KLHL20: variants seen among roughly 807,000 people sequenced by gnomAD.
KLHL20 encodes the protein kelch like family member 20, also known as kelch-like protein 20.
In KLHL20, 29 loss-of-function variants were observed where a neutral mutation model predicts 69.5. The ratio of observed to expected loss-of-function variants is 0.42; its 90% CI spans 0.31 to 0.57. The LOEUF (loss-of-function observed/expected upper bound fraction) is 0.57. Ranked by LOEUF, KLHL20 falls within the 20% of genes least tolerant of loss-of-function variation. KLHL20 has a pLI of 0.18. For synonymous variants in KLHL20, 253 were observed against 265.2 expected, an observed-to-expected ratio of 0.95 and a Z score of 0.45; for missense variants, 419 against 776.0, an observed-to-expected ratio of 0.54 and a Z score of 5.47.
chr1:173,767,431 A>G (rs1201201766), intron 8 of KLHL20, among the ~76,000 whole-genome samples: 1 of 152,164 alleles, frequency 6.6e-6, no homozygotes, highest in Non-Finnish European at 1.5e-5. Context: ...ATCATATGAT[A>G]GTTCTATTTT....
At chr1:173,777,079 T>C (rs1166665147) in intron 10 of KLHL20, among the ~76,000 whole-genome samples, 1 of 152,206 alleles carries the variant, frequency 6.6e-6, no homozygotes, top group Non-Finnish European at 1.5e-5. Flanking sequence ...TTTTTGTGTG[T>C]CCTCTTCAAT....
intron 4 of KLHL20, among the ~76,000 whole-genome samples, chr1:173,752,334 T>A (rs1205617251): frequency 6.6e-6 from 1 of 152,158 alleles, no homozygotes; most frequent in Non-Finnish European, 1.5e-5. Context: ...AGAAAGTCCA[T>A]CTGTTTCCAA....
At chr1:173,779,963 G>A (rs1648752682) in intron 10 of KLHL20, among the ~76,000 whole-genome samples, 1 of 152,074 alleles carries the variant, frequency 6.6e-6, no homozygotes, top group Admixed American at 6.6e-5. Context: ...ATCCATCTTG[G>A]GATGTTTGCT....
At chr1:173,722,163 C>T (rs752119286) in intron 2 of KLHL20, among the ~76,000 whole-genome samples, 1 of 152,104 alleles carries the variant, frequency 6.6e-6, no homozygotes, top group Non-Finnish European at 1.5e-5. Flanking sequence ...GTTGCCCAAG[C>T]TGGTCTCAAA....
intron 5 of KLHL20, 90 bp downstream of exon 5, chr1:173,753,397 A>G (rs1472233417): frequency 9.4e-6 from 9 of 956,502 alleles, no homozygotes; most frequent in African/African-American, 1.6e-5. Context: ...TAAATATTGT[A>G]TTTTGCAGAG....
intron 2 of KLHL20, among the ~76,000 whole-genome samples, chr1:173,731,135 A>G (rs1179255227): frequency 9.9e-5 from 15 of 152,252 alleles, no homozygotes; most frequent in African/African-American, 3.6e-4. Context: ...ATCACTGGCC[A>G]TCAGAGAAAT....
At chr1:173,729,113 C>G (rs994748795) in intron 2 of KLHL20, among the ~76,000 whole-genome samples, 2 of 152,200 alleles carry the variant, frequency 1.3e-5, no homozygotes, top group African/African-American at 4.8e-5. Flanking sequence ...TGCAAATAAA[C>G]TAGAAAATCT....
chr1:173,732,513 A>T (rs1338945314), intron 2 of KLHL20, among the ~76,000 whole-genome samples: 1 of 152,182 alleles, frequency 6.6e-6, no homozygotes, highest in South Asian at 2.1e-4. Flanking sequence ...ATGCGTATCT[A>T]TACAAATTTG....
chr1:173,728,015 G>T (rs542934279), intron 2 of KLHL20, among the ~76,000 whole-genome samples: 1 of 152,152 alleles, frequency 6.6e-6, no homozygotes, highest in Non-Finnish European at 1.5e-5. Context: ...CATCTCACGT[G>T]CAGAGACACA....
At chr1:173,750,983 A>G (rs991319819) in intron 3 of KLHL20, among the ~76,000 whole-genome samples, 1 of 152,196 alleles carries the variant, frequency 6.6e-6, no homozygotes, top group African/African-American at 2.4e-5. Context: ...CATCAACTTC[A>G]TTAGAGGTAC....
At chr1:173,780,126 G>A (rs1648767256) in intron 10 of KLHL20, among the ~76,000 whole-genome samples, 1 of 152,184 alleles carries the variant, frequency 6.6e-6, no homozygotes, top group South Asian at 2.1e-4. Flanking sequence ...GAACACCACT[G>A]GAAGGTGTCA....
In KLHL20 at chr1:173,785,836, A is replaced by AC. The variant is rs1649174143; in HGVS notation, c.*590dup. ...GGATACTAAATCAATAAAAACCAGG[A>AC]CTCAGACACTACAGTTTTCATCAGT... On this transcript the variant is annotated 3_prime_UTR_variant, in exon 12 of 12. Transcript: ENST00000209884. 1 of 151,970 alleles carries AC rather than the reference A, an allele frequency of 6.6e-6. No individual in the cohort carries two copies. The allele number at this position is 151,970 out of a possible 1,614,324, so 9.4% of individuals were successfully genotyped here.
intron 3 of KLHL20, among the ~76,000 whole-genome samples, chr1:173,735,411 A>C (rs984369623): frequency 1.3e-5 from 2 of 150,970 alleles, no homozygotes; most frequent in African/African-American, 4.9e-5. Context: ...GTGCCACTGC[A>C]CTCCAGCCTG....
At chr1:173,770,940 TG>T (rs1648054061) in intron 8 of KLHL20, among the ~76,000 whole-genome samples, 1 of 152,080 alleles carries the variant, frequency 6.6e-6, no homozygotes, top group South Asian at 2.1e-4. Flanking sequence ...GCTAATAACA[TG>T]ACTGTACCTT....
intron 11 of KLHL20, among the ~76,000 whole-genome samples, chr1:173,784,656 C>T (rs367693434): frequency 3.3e-4 from 51 of 152,250 alleles, no homozygotes; most frequent in African/African-American, 1.1e-3. Flanking sequence ...ATGATCTTGT[C>T]ACAAACTAGA....
chr1:173,735,964 G>A (rs1302509898), intron 3 of KLHL20, among the ~76,000 whole-genome samples: 3 of 113,690 alleles, frequency 2.6e-5, no homozygotes, highest in Non-Finnish European at 5.2e-5. Flanking sequence ...TTTTTGAGAT[G>A]GAGTCTCACT....
rs532859689 is a variant in KLHL20, at chr1:173,719,179, T to G, written c.23+3113T>G. Among the ~76,000 whole-genome samples, 13 of 152,270 alleles carry G rather than the reference T, an allele frequency of 8.5e-5. 1 individual carries two copies. The highest frequency in any genetic ancestry group is 2.9e-4 in the African/African-American group (12 of 41,548). ...CTTACCTTATTCCTTTTAATAGTTA[T>G]GTAGTATTCCATTGTCTATATGCAC... On this transcript the variant is annotated intron_variant, in intron 2 of 11. Transcript: ENST00000209884.
chr1:173,715,716 G>A, intron 1 of KLHL20: 1 of 306,756 alleles, frequency 3.3e-6, no homozygotes, highest in Non-Finnish European at 6.1e-6. Flanking sequence ...CGAGATCACA[G>A]TTAAATATCT....
chr1:173,752,988 T>C (rs1292887770), intron 4 of KLHL20, among the ~76,000 whole-genome samples: 7 of 151,726 alleles, frequency 4.6e-5, no homozygotes, highest in African/African-American at 1.5e-4. Context: ...GGCAGCGTGG[T>C]GATTCCCCGT....
Sources: allele counts gnomAD v4.1 joint callset (sites outside exome capture counted in the v4.1 genomes callset), GRCh38; gene constraint gnomAD v4.1.1; transcripts MANE v1.5; gene names NCBI Gene and HGNC (gene_info 2026-07-23, HGNC 2026-07-21).